Variants in FBLN2 observed in about 807,000 individuals in gnomAD.
The protein encoded by FBLN2 is fibulin 2.
FBLN2 carries 81 observed loss-of-function variants against 123.7 expected under a neutral mutation model. The ratio of observed to expected loss-of-function variants is 0.65; its 90% CI spans 0.55 to 0.79. FBLN2 has a LOEUF of 0.79. FBLN2 is among the 30% of genes least tolerant of loss of function. FBLN2 has a pLI of 0.00. For missense variants in FBLN2, 1,603 were observed against 1,681.3 expected (o/e 0.95, Z 0.81); for synonymous variants, 699 against 701.4 (o/e 1.00, Z 0.05).
chr3:13,613,114 C>G (rs1054615848), intron 4 of FBLN2, among the ~76,000 whole-genome samples: 1 of 117,974 alleles, frequency 8.5e-6, no homozygotes, highest in Admixed American at 7.1e-5. Flanking sequence ...TGGGCCTGTT[C>G]AGTTATGATG....
In FBLN2 at chr3:13,570,908, G is replaced by A. The variant is rs371884786; in HGVS notation, c.553G>A (p.Glu185Lys). ...TTGCCACGGGAACTTCTCAGATGCC[G>A]AGGAGGGTGACCCCGAGCGACACTA... The part of the protein sequence containing the change: ...PGCHGNFSDA[E>K]EGDPERHYED... The change falls in exon 2 of 18, where the codon GAG becomes AAG. Residue 185 changes from glutamate to lysine, a missense_variant. By Grantham distance (56) the Glu-to-Lys change is moderately conservative. Transcript: ENST00000404922. The A allele has an allele frequency of 1.4e-5, 22 of 1,612,846 alleles. No individual in the cohort carries two copies. In the African/African-American group the frequency reaches 1.9e-4, roughly 14 times the overall value.
intron 1 of FBLN2, among the ~76,000 whole-genome samples, chr3:13,555,914 G>A (rs961324335): frequency 6.6e-6 from 1 of 152,222 alleles, no homozygotes; most frequent in African/African-American, 2.4e-5. Context: ...CCTGAAATCA[G>A]CTGTCCTTGG....
rs889445612 is a variant in FBLN2, at chr3:13,619,042, A to G, written c.2053+25A>G. The G allele has an allele frequency of 2.6e-6, 4 of 1,565,828 alleles. No homozygotes were observed. In the African/African-American group the frequency reaches 5.4e-5, roughly 21 times the overall value. The stretch of plus-strand genomic sequence containing the variant: ...GGTAAGCAGTGTGGGTGGTGTCTCC[A>G]GGACAGGGCCCAGGGTCCAGGGGGT... On this transcript the variant is annotated intron_variant, in intron 7 of 17. Transcript: ENST00000404922.
intron 1 of FBLN2, among the ~76,000 whole-genome samples, chr3:13,553,734 A>G (rs935259600): frequency 2.0e-5 from 3 of 152,218 alleles, no homozygotes; most frequent in South Asian, 2.1e-4. Flanking sequence ...GAGGGGCTGT[A>G]TTGTAGGCGG....
At position 13,629,817 on chromosome 3, in the gene FBLN2, C is replaced by G; in HGVS notation, c.2843-3C>G. The G allele has an allele frequency of 6.4e-7, 1 of 1,568,232 alleles. No homozygotes were observed. Among genetic ancestry groups the G allele is most frequent in the Non-Finnish European group, 8.6e-7 (1 of 1,156,836 alleles). On this transcript the variant is annotated splice_region_variant and splice_polypyrimidine_tract_variant and intron_variant, in intron 13 of 17. Coordinates refer to ENST00000404922, the MANE Select transcript of FBLN2 (RefSeq NM_001004019.2). Reference sequence around the variant, plus strand: ...CCTGTACCTGCTGCCTGCCCTCCCACAGACGTGAATGAGTGCTGGGCCTCG... The same window carrying G: ...CCTGTACCTGCTGCCTGCCCTCCCAGAGACGTGAATGAGTGCTGGGCCTCG...
intron 4 of FBLN2, among the ~76,000 whole-genome samples, chr3:13,613,370 AAAAT>A (rs1435991829): frequency 1.3e-5 from 2 of 152,262 alleles, no homozygotes; most frequent in Admixed American, 1.3e-4. Flanking sequence ...ACTGTATTTT[AAAAT>A]AAATAAAACC....
At chr3:13,569,053 T>C in intron 1 of FBLN2, 1 of 985,890 alleles carries the variant, frequency 1.0e-6, no homozygotes, top group Non-Finnish European at 1.2e-6. Flanking sequence ...CCTGTGACTT[T>C]GGGGAGCACG....
intron 1 of FBLN2, among the ~76,000 whole-genome samples, chr3:13,563,368 C>T (rs1424270045): frequency 2.6e-5 from 4 of 152,258 alleles, no homozygotes; most frequent in Admixed American, 2.0e-4. Context: ...CTGCCCTTTG[C>T]TGGCAGGTGT....
intron 2 of FBLN2, among the ~76,000 whole-genome samples, chr3:13,577,433 G>T (rs1468858214): frequency 6.6e-6 from 1 of 152,114 alleles, no homozygotes; most frequent in African/African-American, 2.4e-5. Flanking sequence ...GAGGGAGGGG[G>T]ATAGGAGATC....
chr3:13,571,132 C>A lies in FBLN2; in HGVS notation c.777C>A (p.Ala259=), dbSNP rs781560375. Residue 259 remains alanine (A), a synonymous_variant, in exon 2 of 18, where the codon GCC becomes GCA. Transcript: ENST00000404922. ...AVLPRPTAAA[A]LGPPAPVQAK... ...TCCCCAGGCCCACAGCGGCTGCTGC[C>A]CTGGGTCCCCCAGCCCCAGTGCAGG... The A allele has an allele frequency of 1.9e-5, 30 of 1,552,962 alleles. No homozygotes were observed. The highest frequency in any genetic ancestry group is 3.5e-6 in the Non-Finnish European group (4 of 1,148,798).
At chr3:13,601,302 G>A (rs1878171) in intron 2 of FBLN2, among the ~76,000 whole-genome samples, 62,803 of 152,090 alleles carry the variant, frequency 0.41, 13,031 homozygotes, top group Non-Finnish European at 0.43. Flanking sequence ...AATGTTGTGA[G>A]TCTGAGCTGT....
intron 1 of FBLN2, among the ~76,000 whole-genome samples, chr3:13,562,727 T>C (rs1703647386): frequency 6.6e-6 from 1 of 152,184 alleles, no homozygotes; most frequent in Non-Finnish European, 1.5e-5. Flanking sequence ...TACCACTATC[T>C]ATTTCCAGAA....
intron 10 of FBLN2, 58 bp downstream of exon 10, chr3:13,626,637 G>T (rs1166533855): frequency 2.9e-6 from 4 of 1,397,314 alleles, no homozygotes; most frequent in Non-Finnish European, 3.8e-6. Context: ...GTTTTGCCCC[G>T]CCCCTCCCTG....
Position 13,574,376 on chromosome 3 carries a change from G to A in FBLN2, c.1306+2715G>A, listed in dbSNP as rs140552288. Among the ~76,000 whole-genome samples, 183 of 152,318 alleles carry A rather than the reference G, an allele frequency of 1.2e-3. 1 individual carries two copies. The highest frequency in any genetic ancestry group is 3.9e-3 in the African/African-American group (164 of 41,578). On this transcript the variant is annotated intron_variant, in intron 2 of 17. Coordinates refer to ENST00000404922, the MANE Select transcript of FBLN2 (RefSeq NM_001004019.2). ...GGCCGCCCTGCCCGAGGGTTCCTCC[G>A]TGTGGCCCTCCATTGTGCCAGCCCT...
In FBLN2 at chr3:13,591,330, C is replaced by A. The variant is rs144953014; in HGVS notation, c.1307-16732C>A. 1.1e-4 allele frequency among the ~76,000 whole-genome samples: 16 copies of A among 152,366 alleles called. No individual in the cohort carries two copies. The East Asian group carries it at 2.9e-3, about 27-fold the overall frequency. On this transcript the variant is annotated intron_variant, in intron 2 of 17. Transcript: ENST00000404922. ...TCATTCTATGACTTGCCTTTTTACTCTCTTAATAAAACTTTCTGATGAATT... is the reference window on the plus strand; with the variant it reads ...TCATTCTATGACTTGCCTTTTTACTATCTTAATAAAACTTTCTGATGAATT...
At chr3:13,564,101 G>T (rs770860650) in intron 1 of FBLN2, among the ~76,000 whole-genome samples, 1 of 152,304 alleles carries the variant, frequency 6.6e-6, no homozygotes, top group Non-Finnish European at 1.5e-5. Context: ...AATTATCAAT[G>T]AGTAATATTG....
chr3:13,566,029 G>A (rs113234127), intron 1 of FBLN2, among the ~76,000 whole-genome samples: 5,106 of 152,296 alleles, frequency 0.034, 298 homozygotes, highest in African/African-American at 0.12. Flanking sequence ...TGTTTCTTGC[G>A]TCCCCACCCG....
At chr3:13,628,760 A>C (rs897707466) in intron 11 of FBLN2, 145 bp from the exon 12 acceptor site, 2 of 925,678 alleles carry the variant, frequency 2.2e-6, no homozygotes, top group African/African-American at 3.4e-5. Flanking sequence ...AGTGGGGCAC[A>C]GGGGTAGGAC....
At position 13,570,892 on chromosome 3, in the gene FBLN2, G is replaced by A. The variant is rs1703919307; in HGVS notation, c.537G>A (p.Gly179=). 6.2e-7 allele frequency: 1 copy of A among 1,612,498 alleles called. No individual in the cohort carries two copies. Among genetic ancestry groups the A allele is most frequent in the Non-Finnish European group, 8.5e-7 (1 of 1,179,552 alleles). ...GCTACCAGCTCCCCGGTTGCCACGG[G>A]AACTTCTCAGATGCCGAGGAGGGTG... is the stretch of plus-strand genomic sequence containing the variant. ...LICYQLPGCH[G]NFSDAEEGDP... Residue 179 remains glycine, a synonymous_variant, in exon 2 of 18, where the codon GGG becomes GGA. Transcript: ENST00000404922.
Sources: gnomAD v4.1 joint callset for allele counts (sites outside exome capture counted in the v4.1 genomes callset) on GRCh38, gnomAD v4.1.1 for gene constraint, MANE v1.5 for transcripts, NCBI Gene and HGNC (gene_info 2026-07-23, HGNC 2026-07-21) for gene names.